The following SLC35F4 variants were observed in gnomAD, a reference collection of about 807,000 sequenced individuals.
The protein encoded by SLC35F4 is solute carrier family 35 member F4.
A neutral mutation model predicts 44.2 loss-of-function variants in SLC35F4; 24 were observed. The observed-to-expected ratio is 0.54, with a 90% CI of 0.39 to 0.76. SLC35F4 has a LOEUF of 0.76. SLC35F4 is among the 30% of genes least tolerant of loss of function. The probability of loss-of-function intolerance (pLI) is 0.00; values close to 1 mark genes in which losing one functional copy is unlikely to be tolerated. For missense variants in SLC35F4, 562 were observed against 586.1 expected (o/e 0.96, Z 0.42); for synonymous variants, 238 against 223.6 (o/e 1.06, Z -0.57).
intron 1 of SLC35F4, among the ~76,000 whole-genome samples, chr14:57,801,329 T>G (rs1472473643): frequency 6.6e-6 from 1 of 152,192 alleles, no homozygotes; most frequent in East Asian, 1.9e-4. Context: ...ACGGAATTTA[T>G]CACCACCAGG....
At chr14:57,957,159 A>T (rs1460341658) in intron 1 of SLC35F4, among the ~76,000 whole-genome samples, 1 of 152,214 alleles carries the variant, frequency 6.6e-6, no homozygotes, top group Non-Finnish European at 1.5e-5. Context: ...TAAAGCTGGA[A>T]ACCATCATTC....
At chr14:57,699,951 T>C (rs1274162521) in intron 1 of SLC35F4, among the ~76,000 whole-genome samples, 2 of 152,198 alleles carry the variant, frequency 1.3e-5, no homozygotes, top group Non-Finnish European at 2.9e-5. Flanking sequence ...TTTACTACAG[T>C]AGTCTTCCCT....
intron 1 of SLC35F4, among the ~76,000 whole-genome samples, chr14:57,707,741 G>A (rs2093633): frequency 0.47 from 71,625 of 151,972 alleles, 17,290 homozygotes; most frequent in Non-Finnish European, 0.53. Flanking sequence ...GAAAAGACAG[G>A]AAAATGTGGG....
chr14:57,792,176 T>C lies in SLC35F4; in HGVS notation c.103+73547A>G, dbSNP rs548259791. Among the ~76,000 whole-genome samples, 12 of 152,128 alleles carry C rather than the reference T, an allele frequency of 7.9e-5. No homozygotes were observed. The East Asian group carries it at 2.3e-3, about 29-fold the overall frequency. The stretch of plus-strand genomic sequence containing the variant: ...ATGAAAAAATGCTCAACATCACTAA[T>C]GATCAGGGAAATGCAAATCAAAATG... On this transcript the variant is annotated intron_variant, in intron 1 of 7. Coordinates refer to ENST00000556826, the MANE Select transcript of SLC35F4 (RefSeq NM_001306087.2).
chr14:57,608,401 C>T (rs369960597), intron 1 of SLC35F4, among the ~76,000 whole-genome samples: 1 of 152,052 alleles, frequency 6.6e-6, no homozygotes, highest in South Asian at 2.1e-4. Flanking sequence ...GGGGAGAACA[C>T]CATGTAAAGA....
intron 1 of SLC35F4, among the ~76,000 whole-genome samples, chr14:57,597,795 G>C (rs2070583100): frequency 6.6e-6 from 1 of 152,150 alleles, no homozygotes; most frequent in African/African-American, 2.4e-5. Flanking sequence ...AAGACGATCA[G>C]CTCTAAGATG....
At chr14:57,755,414 A>G (rs1235138494) in intron 1 of SLC35F4, among the ~76,000 whole-genome samples, 1 of 152,198 alleles carries the variant, frequency 6.6e-6, no homozygotes, top group African/African-American at 2.4e-5. Context: ...TAAAAGGCCT[A>G]TTTTAAATGA....
intron 1 of SLC35F4, among the ~76,000 whole-genome samples, chr14:57,809,086 C>G (rs1246545666): frequency 1.3e-5 from 2 of 152,114 alleles, no homozygotes; most frequent in Non-Finnish European, 2.9e-5. Context: ...ACACGTTTTT[C>G]CCCGCCAGGA....
At position 57,856,008 on chromosome 14, in the gene SLC35F4, G is replaced by A. The variant is rs957919892; in HGVS notation, c.103+9715C>T. 2.6e-5 allele frequency among the ~76,000 whole-genome samples: 4 copies of A among 152,082 alleles called. No individual in the cohort carries two copies. The South Asian group carries it at 6.2e-4, about 24-fold the overall frequency. On this transcript the variant is annotated intron_variant, in intron 1 of 7. Transcript: ENST00000556826. ...GAACAATGAGAACACATGGACACAAGGCAGGGAACATCACACACTGTCGGG... is the reference window on the plus strand; with the variant it reads ...GAACAATGAGAACACATGGACACAAAGCAGGGAACATCACACACTGTCGGG...
intron 1 of SLC35F4, among the ~76,000 whole-genome samples, chr14:57,622,085 C>T (rs1467643998): frequency 6.9e-6 from 1 of 145,388 alleles, no homozygotes; most frequent in Admixed American, 7.0e-5. Flanking sequence ...CATCACTGGC[C>T]ATCAGAGAAA....
chr14:57,743,194 C>A (rs531713580), intron 1 of SLC35F4, among the ~76,000 whole-genome samples: 1 of 152,238 alleles, frequency 6.6e-6, no homozygotes, highest in Admixed American at 6.5e-5. Flanking sequence ...CATTCCAAAG[C>A]TAGCAGAAGG....
intron 1 of SLC35F4, among the ~76,000 whole-genome samples, chr14:57,628,581 A>G (rs1169638835): frequency 6.7e-6 from 1 of 149,186 alleles, no homozygotes; most frequent in African/African-American, 2.5e-5. Flanking sequence ...GTTTGCTGAG[A>G]ATGATGGTTT....
intron 1 of SLC35F4, among the ~76,000 whole-genome samples, chr14:57,688,752 G>T (rs8017978): frequency 0.15 from 22,522 of 151,942 alleles, 1,872 homozygotes; most frequent in East Asian, 0.29. Context: ...CTTCCTACTG[G>T]CTCATACTCA....
chr14:57,734,902 T>G (rs917446059), intron 1 of SLC35F4, among the ~76,000 whole-genome samples: 1 of 152,216 alleles, frequency 6.6e-6, no homozygotes, highest in African/African-American at 2.4e-5. Flanking sequence ...CTTATGCCTG[T>G]GATCAGCACT....
intron 3 of SLC35F4, 104 bp downstream of exon 3, chr14:57,589,112 A>T: frequency 7.8e-7 from 1 of 1,274,552 alleles, no homozygotes; most frequent in Non-Finnish European, 1.1e-6. Flanking sequence ...TTGTTTCTTC[A>T]CATACCCCAA....
At chr14:57,755,311 A>G (rs1403269134) in intron 1 of SLC35F4, among the ~76,000 whole-genome samples, 1 of 152,050 alleles carries the variant, frequency 6.6e-6, no homozygotes, top group Non-Finnish European at 1.5e-5. Flanking sequence ...GAATCTGAGA[A>G]CCCTGGCACT....
chr14:57,796,939 G>C (rs2078067769), intron 1 of SLC35F4, among the ~76,000 whole-genome samples: 1 of 152,176 alleles, frequency 6.6e-6, no homozygotes, highest in Non-Finnish European at 1.5e-5. Flanking sequence ...CACTAACAAG[G>C]TGAATGTGCT....
chr14:57,673,487 G>C lies in SLC35F4; in HGVS notation c.104-79363C>G, dbSNP rs997074024. 5.0e-3 allele frequency among the ~76,000 whole-genome samples: 766 copies of C among 152,212 alleles called. 3 individuals are homozygous for C. Among genetic ancestry groups the C allele is most frequent in the Non-Finnish European group, 7.4e-3 (503 of 68,032 alleles). On this transcript the variant is annotated intron_variant, in intron 1 of 7. Coordinates refer to ENST00000556826, the MANE Select transcript of SLC35F4 (RefSeq NM_001306087.2). Reference sequence around the variant, plus strand: ...TAGGGTCCAGGTATGCATTAAAGGTGATATGCATATGTAATAAGATGGAGA... The same window carrying C: ...TAGGGTCCAGGTATGCATTAAAGGTCATATGCATATGTAATAAGATGGAGA...
At chr14:57,940,786 T>A (rs142535157) in intron 1 of SLC35F4, among the ~76,000 whole-genome samples, 16 of 152,272 alleles carry the variant, frequency 1.1e-4, no homozygotes, top group African/African-American at 3.8e-4. Flanking sequence ...CCTCTTCTCC[T>A]CCTCCTCCTT....
Sources: allele counts gnomAD v4.1 joint callset (sites outside exome capture counted in the v4.1 genomes callset), GRCh38; gene constraint gnomAD v4.1.1; transcripts MANE v1.5; gene names NCBI Gene and HGNC (gene_info 2026-07-23, HGNC 2026-07-21).